Variants in NCAM2 observed in about 807,000 individuals in gnomAD.
NCAM2 encodes the protein neural cell adhesion molecule 2.
NCAM2 carries 30 observed loss-of-function variants against 98.1 expected under a neutral mutation model. The ratio of observed to expected loss-of-function variants is 0.31; its 90% confidence interval spans 0.23 to 0.41. The LOEUF is 0.41. Ranked by LOEUF, NCAM2 falls within the 10% of genes least tolerant of loss-of-function variation. The pLI, the probability that NCAM2 is intolerant of heterozygous loss-of-function variation, is 1.00. For missense variants in NCAM2, 867 were observed against 1,005.8 expected (o/e 0.86, Z 1.87); for synonymous variants, 368 against 342.4 (o/e 1.07, Z -0.83).
At chr21:21,095,516 T>C (rs969979776) in intron 1 of NCAM2, among the ~76,000 whole-genome samples, 1 of 151,414 alleles carries the variant, frequency 6.6e-6, no homozygotes, top group African/African-American at 2.4e-5. Flanking sequence ...AAAAACATCT[T>C]GGAGGAATAC....
At chr21:21,283,168 C>G (rs978321409) in intron 2 of NCAM2, among the ~76,000 whole-genome samples, 4 of 151,820 alleles carry the variant, frequency 2.6e-5, no homozygotes, top group Non-Finnish European at 4.4e-5. Context: ...ACTAAACTTT[C>G]TTTCATACTT....
At chr21:21,415,417 G>C (rs2076973281) in intron 10 of NCAM2, among the ~76,000 whole-genome samples, 1 of 136,426 alleles carries the variant, frequency 7.3e-6, no homozygotes, top group African/African-American at 2.8e-5. Flanking sequence ...CTCAGTGCAA[G>C]CTCTGCCTCC....
chr21:21,418,357 G>A (rs1054321849), intron 10 of NCAM2, 116 bp from the exon 11 acceptor site: 3 of 708,740 alleles, frequency 4.2e-6, no homozygotes, highest in Non-Finnish European at 7.4e-6. Context: ...AAAATATATG[G>A]TAAGGAGTTG....
chr21:21,101,760 C>T (rs1297262686), intron 1 of NCAM2, among the ~76,000 whole-genome samples: 1 of 151,934 alleles, frequency 6.6e-6, no homozygotes, highest in Non-Finnish European at 1.5e-5. Context: ...GAAACAATTC[C>T]TTAAGACCTA....
chr21:21,256,899 A>G (rs536436871), intron 1 of NCAM2, among the ~76,000 whole-genome samples: 2 of 152,242 alleles, frequency 1.3e-5, no homozygotes, highest in East Asian at 3.9e-4. Context: ...GTACTCAGTA[A>G]CTCTAGAATA....
intron 1 of NCAM2, among the ~76,000 whole-genome samples, chr21:21,059,181 A>G (rs1415333432): frequency 2.0e-5 from 3 of 151,984 alleles, no homozygotes; most frequent in African/African-American, 7.3e-5. Context: ...GATTCAGTGT[A>G]CAGTATTTGA....
rs563421170 is a variant in NCAM2 at position 21,523,269 on chromosome 21, C to A, written c.2283-11268C>A. On this transcript the variant is annotated intron_variant, in intron 16 of 17. Coordinates refer to ENST00000400546, the MANE Select transcript of NCAM2 (RefSeq NM_004540.5). Reference sequence around the variant, plus strand: ...TTACTCAAGAAATCTTTGCCCAGACCAATGTCCTGAAGAATTTCCCCAACT... The same window carrying A: ...TTACTCAAGAAATCTTTGCCCAGACAAATGTCCTGAAGAATTTCCCCAACT... Among the ~76,000 whole-genome samples the A allele has an allele frequency of 1.4e-4, 21 of 152,098 alleles. No homozygotes were observed. The South Asian group carries it at 4.3e-3, about 32-fold the overall frequency.
intron 1 of NCAM2, among the ~76,000 whole-genome samples, chr21:21,112,084 CTTTCATACAACA>C (rs1569034702): frequency 6.6e-6 from 1 of 152,030 alleles, no homozygotes; most frequent in East Asian, 1.9e-4. Context: ...TATGATAATT[CTTTCATACAACA>C]TTTTAGTTTT....
intron 6 of NCAM2, among the ~76,000 whole-genome samples, chr21:21,330,787 T>C (rs1476459246): frequency 6.6e-6 from 1 of 152,106 alleles, no homozygotes; most frequent in Non-Finnish European, 1.5e-5. Context: ...ATTTAAGGGC[T>C]TTAAGGATGG....
At chr21:21,100,053 T>A (rs2066208677) in intron 1 of NCAM2, among the ~76,000 whole-genome samples, 3 of 151,974 alleles carry the variant, frequency 2.0e-5, no homozygotes, top group Admixed American at 2.0e-4. Flanking sequence ...ATGGTTTTGC[T>A]TCAGGAAAAG....
chr21:21,467,440 A>G (rs1983863656), intron 13 of NCAM2, among the ~76,000 whole-genome samples: 1 of 139,558 alleles, frequency 7.2e-6, no homozygotes, highest in Admixed American at 7.0e-5. Flanking sequence ...ATATATATAT[A>G]TATGTTAGGA....
intron 15 of NCAM2, among the ~76,000 whole-genome samples, chr21:21,494,670 T>C (rs2146317421): frequency 6.6e-6 from 1 of 151,986 alleles, no homozygotes; most frequent in Non-Finnish European, 1.5e-5. Context: ...ACAAAAGATA[T>C]TTTATATGTG....
intron 1 of NCAM2, among the ~76,000 whole-genome samples, chr21:21,104,234 G>A (rs149530163): frequency 8.5e-5 from 13 of 152,058 alleles, no homozygotes; most frequent in South Asian, 8.3e-4. Flanking sequence ...CCTCCTCACC[G>A]TAGAGACGTA....
At chr21:21,179,183 A>T (rs887051520) in intron 1 of NCAM2, among the ~76,000 whole-genome samples, 2 of 152,160 alleles carry the variant, frequency 1.3e-5, no homozygotes, top group Non-Finnish European at 2.9e-5. Flanking sequence ...CATTCTAATG[A>T]ATGAATGAAT....
intron 1 of NCAM2, among the ~76,000 whole-genome samples, chr21:21,061,830 A>C (rs2065329536): frequency 6.6e-6 from 1 of 152,166 alleles, no homozygotes; most frequent in African/African-American, 2.4e-5. Context: ...ATAGGTTTTA[A>C]AAATTATGTA....
At position 21,233,949 on chromosome 21, in the gene NCAM2, G is replaced by T. The variant is rs145576228; in HGVS notation, c.56-46629G>T. Among the ~76,000 whole-genome samples the T allele has an allele frequency of 2.9e-3, 440 of 151,804 alleles. 2 individuals are homozygous for T. Among genetic ancestry groups the T allele is most frequent in the African/African-American group, 0.01 (425 of 41,498 alleles). On this transcript the variant is annotated intron_variant, in intron 1 of 17. Transcript: ENST00000400546. ...AGAAGTTATAATTTTTATGTCATGT[G>T]TGATGGAGAGTCCGTTTATCAGTAG...
At position 21,360,541 on chromosome 21, in the gene NCAM2, A is replaced by G. The variant is rs948469125; in HGVS notation, c.1045-13322A>G. On this transcript the variant is annotated intron_variant, in intron 8 of 17. Transcript: ENST00000400546. ...GTATTTCATACTCTTTCAAATAAGT[A>G]CGAATAGTAAAATTCTAGTATGCAT... Among the ~76,000 whole-genome samples the G allele has an allele frequency of 6.6e-4, 101 of 152,048 alleles. 1 individual carries two copies. The highest frequency in any genetic ancestry group is 1.5e-4 in the Non-Finnish European group (10 of 67,890).
intron 1 of NCAM2, among the ~76,000 whole-genome samples, chr21:21,081,592 G>A (rs2065800403): frequency 1.3e-5 from 2 of 151,766 alleles, no homozygotes; most frequent in Admixed American, 6.6e-5. Flanking sequence ...CATTAGGTCC[G>A]GAATTCGAGA....
intron 12 of NCAM2, among the ~76,000 whole-genome samples, chr21:21,464,765 T>C (rs1983455551): frequency 1.3e-5 from 2 of 152,268 alleles, no homozygotes; most frequent in South Asian, 2.1e-4. Flanking sequence ...TTCTCTTCAG[T>C]GTAACTATAT....
Sources: allele counts gnomAD v4.1 joint callset (sites outside exome capture counted in the v4.1 genomes callset), GRCh38; gene constraint gnomAD v4.1.1; transcripts MANE v1.5; gene names NCBI Gene and HGNC (gene_info 2026-07-23, HGNC 2026-07-21).